MAPKAP1: variants seen among roughly 807,000 people sequenced by gnomAD.
MAPKAP1 encodes target of rapamycin complex 2 subunit MAPKAP1.
A neutral mutation model predicts 65.7 loss-of-function variants in MAPKAP1; 20 were observed. The ratio of observed to expected loss-of-function variants is 0.30; its 90% CI spans 0.21 to 0.44. The LOEUF (loss-of-function observed/expected upper bound fraction) is 0.44, where lower values mean the gene tolerates loss of function less well. Ranked by LOEUF, MAPKAP1 falls within the 20% of genes least tolerant of loss-of-function variation. MAPKAP1 has a pLI of 1.00. For missense variants in MAPKAP1, 423 were observed against 648.0 expected (o/e 0.65, Z 3.77); for synonymous variants, 222 against 244.3 (o/e 0.91, Z 0.85).
chr9:125,447,440 C>T lies in MAPKAP1; in HGVS notation c.1346-2842G>A, dbSNP rs1003955731. 3 of 456,668 alleles carry T rather than the reference C, an allele frequency of 6.6e-6. No homozygotes were observed. The highest frequency in any genetic ancestry group is 1.3e-5 in the Non-Finnish European group (3 of 226,956). 28.3% of individuals were successfully genotyped at this position (456,668 alleles called of 1,614,324 possible). ...TGGGCCGAGGCACGGTGGACAGCCA[C>T]AGCAGACAGCCCCCTCTTGCTCTCT... On this transcript the variant is annotated intron_variant, in intron 10 of 11. Transcript: ENST00000265960. The surrounding 1 kb of genome is among the most constrained non-coding windows in gnomAD (Gnocchi z 4.5).
At chr9:125,694,448 C>T (rs1564620822) in intron 1 of MAPKAP1, among the ~76,000 whole-genome samples, 2 of 152,042 alleles carry the variant, frequency 1.3e-5, no homozygotes, top group Non-Finnish European at 2.9e-5. Flanking sequence ...AATACCAATA[C>T]GATCAAAAGA....
At chr9:125,622,553 C>A (rs1832937880) in intron 4 of MAPKAP1, among the ~76,000 whole-genome samples, 1 of 151,668 alleles carries the variant, frequency 6.6e-6, no homozygotes, top group South Asian at 2.1e-4. Flanking sequence ...TCAAGCAATT[C>A]TCCTGCCTCA....
chr9:125,520,896 T>C (rs1230594737), intron 7 of MAPKAP1, among the ~76,000 whole-genome samples: 3 of 152,170 alleles, frequency 2.0e-5, no homozygotes, highest in Non-Finnish European at 2.9e-5. Context: ...CACCTGGACA[T>C]TGGCTGGAGA....
intron 5 of MAPKAP1, among the ~76,000 whole-genome samples, chr9:125,565,122 TTAA>T (rs1237380905): frequency 6.6e-6 from 1 of 152,164 alleles, no homozygotes; most frequent in African/African-American, 2.4e-5. Flanking sequence ...CTCCAAATCT[TTAA>T]TGAGTACAAC....
intron 7 of MAPKAP1, among the ~76,000 whole-genome samples, chr9:125,517,135 T>G (rs1259376642): frequency 1.3e-5 from 2 of 152,170 alleles, no homozygotes; most frequent in Non-Finnish European, 2.9e-5. Flanking sequence ...TTCCAAAGCC[T>G]GTGCTCTTCA....
At chr9:125,577,880 A>C (rs1336933319) in intron 5 of MAPKAP1, among the ~76,000 whole-genome samples, 1 of 150,356 alleles carries the variant, frequency 6.7e-6, no homozygotes, top group African/African-American at 2.4e-5. Context: ...GGCCGCCCCT[A>C]CTGGGAGGTG....
intron 7 of MAPKAP1, among the ~76,000 whole-genome samples, chr9:125,532,475 T>C (rs1039519152): frequency 6.6e-6 from 1 of 152,244 alleles, no homozygotes; most frequent in African/African-American, 2.4e-5. Flanking sequence ...AAAAGGCATC[T>C]CTCTGCATAG....
intron 6 of MAPKAP1, among the ~76,000 whole-genome samples, chr9:125,546,084 C>T (rs1189788172): frequency 6.6e-6 from 1 of 152,202 alleles, no homozygotes; most frequent in Non-Finnish European, 1.5e-5. Flanking sequence ...ACTTGGCTCT[C>T]CATCTTCCTT....
chr9:125,473,435 G>A (rs1853997778), intron 9 of MAPKAP1, among the ~76,000 whole-genome samples: 1 of 152,186 alleles, frequency 6.6e-6, no homozygotes, highest in African/African-American at 2.4e-5. Flanking sequence ...TTCACTGGAA[G>A]CAAACTATCA....
At chr9:125,646,500 G>T (rs188943571) in intron 4 of MAPKAP1, among the ~76,000 whole-genome samples, 2 of 152,090 alleles carry the variant, frequency 1.3e-5, no homozygotes, top group Admixed American at 1.3e-4. Flanking sequence ...GTCCATTAGA[G>T]GACTTGGTAC....
At chr9:125,649,002 G>A (rs1465921076) in intron 4 of MAPKAP1, among the ~76,000 whole-genome samples, 1 of 152,132 alleles carries the variant, frequency 6.6e-6, no homozygotes, top group Non-Finnish European at 1.5e-5. Flanking sequence ...TGGATTCTAT[G>A]CCCAGCTAGG....
chr9:125,642,874 T>C (rs1479826899), intron 4 of MAPKAP1, among the ~76,000 whole-genome samples: 3 of 152,112 alleles, frequency 2.0e-5, no homozygotes, highest in Non-Finnish European at 4.4e-5. Flanking sequence ...CCTACTGGTA[T>C]CAATTTTAAC....
chr9:125,455,574 GATCT>G (rs1853132766), intron 10 of MAPKAP1, among the ~76,000 whole-genome samples: 1 of 151,548 alleles, frequency 6.6e-6, no homozygotes, highest in African/African-American at 2.4e-5. Context: ...GGGTAATACA[GATCT>G]ATTAATAAGA....
intron 5 of MAPKAP1, among the ~76,000 whole-genome samples, chr9:125,573,424 G>A (rs1831299961): frequency 6.6e-6 from 1 of 152,106 alleles, no homozygotes; most frequent in Non-Finnish European, 1.5e-5. Context: ...ACCCTATATG[G>A]TCTAAAAAGG....
intron 4 of MAPKAP1, among the ~76,000 whole-genome samples, chr9:125,642,810 G>A (rs553454824): frequency 1.3e-5 from 2 of 152,156 alleles, no homozygotes; most frequent in South Asian, 4.1e-4. Flanking sequence ...GGTATCAAGA[G>A]CCTGGACACA....
intron 3 of MAPKAP1, among the ~76,000 whole-genome samples, chr9:125,666,071 T>C (rs958116595): frequency 1.3e-5 from 2 of 152,194 alleles, no homozygotes; most frequent in Admixed American, 6.5e-5. Flanking sequence ...CAGAATAAAA[T>C]ACCAATACCA....
In MAPKAP1 at chr9:125,608,046, C is replaced by T. The variant is rs181135186; in HGVS notation, c.499-22319G>A. Among the ~76,000 whole-genome samples the T allele has an allele frequency of 4.2e-3, 640 of 152,276 alleles. 6 individuals carry two copies. The highest frequency in any genetic ancestry group is 0.015 in the African/African-American group (612 of 41,554). ...CAGCAGGGAGGGTATGTCACGCCAG[C>T]GCCTGTAGTGACTGGGAGGATGATG... On this transcript the variant is annotated intron_variant, in intron 4 of 11. Coordinates refer to ENST00000265960, the MANE Select transcript of MAPKAP1 (RefSeq NM_001006617.3).
chr9:125,558,911 A>C (rs1830813706), intron 6 of MAPKAP1, among the ~76,000 whole-genome samples: 1 of 152,256 alleles, frequency 6.6e-6, no homozygotes, highest in Non-Finnish European at 1.5e-5. Context: ...TCATGAACAG[A>C]AGTCATAGCT....
chr9:125,606,949 G>A lies in MAPKAP1; in HGVS notation c.499-21222C>T, dbSNP rs190223744. On this transcript the variant is annotated intron_variant, in intron 4 of 11. Transcript: ENST00000265960. ...AAATAAATGCGCTTTGGATTGGAGA[G>A]ACCTAGGTCTGAATTCCAGCTTCAC... Among the ~76,000 whole-genome samples, 646 of 152,278 alleles carry A rather than the reference G, an allele frequency of 4.2e-3. 4 individuals carry two copies. The highest frequency in any genetic ancestry group is 0.015 in the African/African-American group (604 of 41,540).
Sources: gnomAD v4.1 joint callset for allele counts (sites outside exome capture counted in the v4.1 genomes callset) on GRCh38, gnomAD v4.1.1 for gene constraint, Gnocchi (gnomAD v3.1) non-coding constraint, MANE v1.5 for transcripts, NCBI Gene and HGNC (gene_info 2026-07-23, HGNC 2026-07-21) for gene names.